Variants in POU3F3 observed in about 807,000 individuals in gnomAD.
The protein encoded by POU3F3 is POU domain, class 3, transcription factor 3.
POU3F3 carries 1 observed loss-of-function variant against 8.6 expected under a neutral mutation model. The observed-to-expected ratio is 0.12, with a 90% CI of 0.04 to 0.55. The LOEUF (loss-of-function observed/expected upper bound fraction) is 0.55. POU3F3 is among the 20% of genes least tolerant of loss of function. The pLI, the probability that POU3F3 is intolerant of heterozygous loss-of-function variation, is 0.91. For missense variants in POU3F3, 577 were observed against 690.7 expected, an observed-to-expected ratio of 0.84 and a Z score of 1.84; for synonymous variants, 418 against 327.4, an observed-to-expected ratio of 1.28 and a Z score of -2.99.
At chr2:104,874,181 G>A in the POU3F3 span, among the ~76,000 whole-genome samples, 2 of 152,208 alleles carry the variant, frequency 1.3e-5, no homozygotes, top group Admixed American at 1.3e-4. Context: ...CTGGGAGGAA[G>A]GGGTAGTGTC....
At chr2:104,873,550 T>C in the POU3F3 span, among the ~76,000 whole-genome samples, 825 of 152,234 alleles carry the variant, frequency 5.4e-3, 7 homozygotes, top group African/African-American at 0.019. Context: ...CACACACTCA[T>C]ACTCACACCC....
the POU3F3 span, among the ~76,000 whole-genome samples, chr2:104,924,672 T>C: frequency 6.6e-6 from 1 of 152,238 alleles, no homozygotes; most frequent in African/African-American, 2.4e-5. Context: ...CACTTTCAAC[T>C]CTTCATAACC....
At chr2:104,909,612 CTGGCT>C in the POU3F3 span, among the ~76,000 whole-genome samples, 3 of 152,242 alleles carry the variant, frequency 2.0e-5, no homozygotes, top group Non-Finnish European at 2.9e-5. Flanking sequence ...TGCCAGGGCA[CTGGCT>C]GCGGGCTGGG....
the POU3F3 span, among the ~76,000 whole-genome samples, chr2:104,880,007 ACTATAGAGGGTGG>A: frequency 7.9e-5 from 12 of 152,222 alleles, no homozygotes; most frequent in Non-Finnish European, 1.8e-4. Context: ...GCATTTTGTG[ACTATAGAGGGTGG>A]CTTTGGGCCA....
chr2:104,878,197 C>G, the POU3F3 span, among the ~76,000 whole-genome samples: 1 of 152,122 alleles, frequency 6.6e-6, no homozygotes, highest in African/African-American at 2.4e-5. Context: ...TGCTAGCAGA[C>G]CGAGCCTTAA....
the POU3F3 span, among the ~76,000 whole-genome samples, chr2:104,921,609 T>A: frequency 6.6e-6 from 1 of 152,240 alleles, no homozygotes; most frequent in East Asian, 1.9e-4. Context: ...TGAAGCAACT[T>A]CCAGGGGATT....
At chr2:104,893,378 G>T in the POU3F3 span, among the ~76,000 whole-genome samples, 2 of 152,174 alleles carry the variant, frequency 1.3e-5, no homozygotes, top group Non-Finnish European at 2.9e-5. Context: ...GAGCTACTTG[G>T]ATCAGCTCTT....
the POU3F3 span, among the ~76,000 whole-genome samples, chr2:104,882,909 G>A: frequency 1.3e-5 from 2 of 152,152 alleles, no homozygotes; most frequent in Non-Finnish European, 2.9e-5. Flanking sequence ...AAGAGTATTA[G>A]GATTAGAATT....
chr2:104,884,021 G>C, the POU3F3 span, among the ~76,000 whole-genome samples: 1 of 152,160 alleles, frequency 6.6e-6, no homozygotes, highest in Non-Finnish European at 1.5e-5. Context: ...CTTTCAAATT[G>C]CTGCAGATGA....
chr2:104,886,570 G>T, the POU3F3 span, among the ~76,000 whole-genome samples: 1 of 152,106 alleles, frequency 6.6e-6, no homozygotes, highest in South Asian at 2.1e-4. Flanking sequence ...GCACAAGAAA[G>T]AATTCAGGGC....
the POU3F3 span, among the ~76,000 whole-genome samples, chr2:104,884,284 T>G: frequency 6.6e-6 from 1 of 152,126 alleles, no homozygotes; most frequent in Non-Finnish European, 1.5e-5. Flanking sequence ...TACTAGAGGT[T>G]AGATGCACCC....
the POU3F3 span, among the ~76,000 whole-genome samples, chr2:104,913,458 G>C: frequency 6.6e-6 from 1 of 152,092 alleles, no homozygotes; most frequent in African/African-American, 2.4e-5. Flanking sequence ...TAAGGCCCTG[G>C]GGTAACTGGC....
At chr2:104,881,110 CTTTA>C in the POU3F3 span, among the ~76,000 whole-genome samples, 2 of 149,248 alleles carry the variant, frequency 1.3e-5, no homozygotes, top group South Asian at 4.3e-4. Context: ...CTCTTTCTTT[CTTTA>C]TTTCTTACTT....
chr2:104,871,171 C>T, the POU3F3 span, among the ~76,000 whole-genome samples: 1 of 152,234 alleles, frequency 6.6e-6, no homozygotes, highest in Non-Finnish European at 1.5e-5. Context: ...CATCCCAATT[C>T]TGCATCCAAA....
chr2:104,926,016 T>C, the POU3F3 span: 1 of 152,176 alleles, frequency 6.6e-6, no homozygotes, highest in Non-Finnish European at 1.5e-5. Context: ...TCTGGGTTCA[T>C]AGAAGATTGT....
the POU3F3 span, among the ~76,000 whole-genome samples, chr2:104,903,479 C>G: frequency 2.0e-5 from 3 of 152,338 alleles, no homozygotes; most frequent in Non-Finnish European, 2.9e-5. Flanking sequence ...TACATGTAAA[C>G]ATGACTTCAG....
the POU3F3 span, among the ~76,000 whole-genome samples, chr2:104,885,957 C>T: frequency 2.7e-4 from 41 of 152,156 alleles, 2 homozygotes; most frequent in African/African-American, 8.7e-4. Flanking sequence ...CAATCACGCC[C>T]GGCTAATTTT....
the POU3F3 span, among the ~76,000 whole-genome samples, chr2:104,877,270 G>A: frequency 3.2e-5 from 3 of 93,518 alleles, no homozygotes; most frequent in African/African-American, 8.6e-5. Flanking sequence ...GGCTTATTAA[G>A]TATAAGCATC....
the POU3F3 span, chr2:104,872,199 T>C: frequency 4.4e-6 from 2 of 455,238 alleles, no homozygotes; most frequent in South Asian, 1.6e-5. This position sits in a 1 kb window ranked among gnomAD's most constrained non-coding sequence, Gnocchi z 4.6. Context: ...GCCCTCCCTC[T>C]CCTCAGCCCT....
Sources: allele counts gnomAD v4.1 joint callset (sites outside exome capture counted in the v4.1 genomes callset), GRCh38; gene constraint gnomAD v4.1.1; non-coding constraint Gnocchi (gnomAD v3.1); transcripts MANE v1.5; gene names NCBI Gene and HGNC (gene_info 2026-07-23, HGNC 2026-07-21).